The following B3GNT4 variants were observed in gnomAD, a reference collection of about 807,000 sequenced individuals.
B3GNT4 encodes UDP-GlcNAc:betaGal beta-1,3-N-acetylglucosaminyltransferase 4.
B3GNT4 carries 2 observed loss-of-function variants against 2.7 expected under a neutral mutation model. That is an observed-to-expected ratio of 0.73 (90% CI 0.30 to 2.31). B3GNT4 has a LOEUF of 2.31. Ranked by LOEUF, B3GNT4 falls within the 30% of genes most tolerant of loss-of-function variation. B3GNT4 has a pLI of 0.12. For synonymous variants in B3GNT4, 280 were observed against 203.4 expected (o/e 1.38, Z -3.20); for missense variants, 708 against 490.9 (o/e 1.44, Z -4.18).
Position 122,207,062 on chromosome 12 carries a change from C to G in B3GNT4, c.811C>G (p.His271Asp). The G allele has an allele frequency of 6.2e-7, 1 of 1,613,918 alleles. No homozygotes were observed. The highest frequency in any genetic ancestry group is 8.5e-7 in the Non-Finnish European group (1 of 1,179,902). ...FIPPSMYRAT[H>D]YPPYAGGGGY... ...CCCACCCTCAATGTACAGGGCCACC[C>G]ACTACCCACCCTATGCTGGTGGGGG... is the stretch of plus-strand genomic sequence containing the variant. The change falls in exon 3 of 3, where the codon CAC becomes GAC. Residue 271 changes from histidine (H) to aspartate (D), a missense_variant. Transcript: ENST00000324189.
At position 122,207,149 on chromosome 12, in the gene B3GNT4, C is replaced by T; in HGVS notation, c.898C>T (p.Leu300Phe). Reference sequence around the variant, plus strand: ...CCAGGCTATCATGGAAGATGCTGAACTCTTCCCCATTGATGATGTCTTTGT... The same window carrying T: ...CCAGGCTATCATGGAAGATGCTGAATTCTTCCCCATTGATGATGTCTTTGT... ...RLQAIMEDAE[L>F]FPIDDVFVGM... is the part of the protein sequence containing the mutation. Residue 300 changes from leucine to phenylalanine, a missense_variant, in exon 3 of 3, where the codon CTC becomes TTC. Coordinates refer to ENST00000324189, the MANE Select transcript of B3GNT4 (RefSeq NM_030765.4). The T allele has an allele frequency of 1.9e-6, 3 of 1,614,064 alleles. No individual in the cohort carries two copies. The highest frequency in any genetic ancestry group is 1.7e-6 in the Non-Finnish European group (2 of 1,179,970).
At chr12:122,203,961 C>T (rs1031582444) in intron 1 of B3GNT4, among the ~76,000 whole-genome samples, 160 bp downstream of exon 1, 1 of 151,572 alleles carries the variant, frequency 6.6e-6, no homozygotes, top group East Asian at 2.0e-4. Flanking sequence ...CGGCGCGAGT[C>T]TGGCCTCGGC....
At position 122,208,037 on chromosome 12, in the gene B3GNT4, T is replaced by TAA; in HGVS notation, c.*651_*652dup. The TAA allele has an allele frequency of 1.9e-6, 1 of 532,312 alleles. No individual in the cohort carries two copies. The highest frequency in any genetic ancestry group is 1.5e-5 in the South Asian group (1 of 65,176). 33.0% of individuals were successfully genotyped at this position (532,312 alleles called of 1,614,324 possible). A position where few individuals can be genotyped will look rare whatever the true frequency, so the allele number is the denominator to read the frequency against. On this transcript the variant is annotated 3_prime_UTR_variant, in exon 3 of 3. Coordinates refer to ENST00000324189, the MANE Select transcript of B3GNT4 (RefSeq NM_030765.4). Reference sequence around the variant, plus strand: ...GACGTAAATAAGACTGAAAACAGGTTAAACAGTTGCTGAACTTAAGGGCAT... The same window carrying TAA: ...GACGTAAATAAGACTGAAAACAGGTTAAAAACAGTTGCTGAACTTAAGGGCAT...
chr12:122,207,104 A>G lies in B3GNT4; in HGVS notation c.853A>G (p.Arg285Gly), dbSNP rs1953935465. 2.5e-6 allele frequency: 4 copies of G among 1,614,166 alleles called. No homozygotes were observed. Among genetic ancestry groups the G allele is most frequent in the Non-Finnish European group, 3.4e-6 (4 of 1,180,014 alleles). ...YAGGGGYVMS[R>G]ATVRRLQAIM... ...TGGTGGGGGAGGATATGTCATGTCC[A>G]GAGCCACAGTGCGGCGCCTCCAGGC... Residue 285 changes from arginine to glycine, a missense_variant, in exon 3 of 3, where the codon AGA becomes GGA. Arg to Gly is a moderately radical substitution (Grantham distance 125). Coordinates refer to ENST00000324189, the MANE Select transcript of B3GNT4 (RefSeq NM_030765.4).
rs768747434 is a variant in B3GNT4, at chr12:122,204,605, T to C, written c.-14T>C. 35 of 1,605,428 alleles carry C rather than the reference T, an allele frequency of 2.2e-5. No homozygotes were observed. The highest frequency in any genetic ancestry group is 2.7e-5 in the Non-Finnish European group (32 of 1,173,094). Reference sequence around the variant, plus strand: ...CGGCATCCTGAGCACGGAGACAGTCTCCAGCTGCCGTTCATGCTTCCTCCC... The same window carrying C: ...CGGCATCCTGAGCACGGAGACAGTCCCCAGCTGCCGTTCATGCTTCCTCCC... On this transcript the variant is annotated 5_prime_UTR_variant, in exon 2 of 3. Coordinates refer to ENST00000324189, the MANE Select transcript of B3GNT4 (RefSeq NM_030765.4).
Position 122,207,898 on chromosome 12 carries a change from T to C in B3GNT4, c.*510T>C. ...GTCCTCACAGGACAGTGGGGGCAGA[T>C]CAGAGAACACATCAGAAATACATAC... On this transcript the variant is annotated 3_prime_UTR_variant, in exon 3 of 3. Transcript: ENST00000324189. The C allele has an allele frequency of 4.3e-6, 2 of 460,404 alleles. No homozygotes were observed. The highest frequency in any genetic ancestry group is 3.1e-5 in the South Asian group (2 of 64,526). The allele number at this position is 460,404 out of a possible 1,614,324, so 28.5% of individuals were successfully genotyped here. A position where few individuals can be genotyped will look rare whatever the true frequency, so the allele number is the denominator to read the frequency against.
At position 122,204,466 on chromosome 12, in the gene B3GNT4, C is replaced by T. The variant is rs894709574; in HGVS notation, c.-97-56C>T. ...TCCTGGGACGGAACCAAGCCACCTG[C>T]TGTGCGCCCTTCTCGGTGAATGGCA... On this transcript the variant is annotated intron_variant, in intron 1 of 2. Coordinates refer to ENST00000324189, the MANE Select transcript of B3GNT4 (RefSeq NM_030765.4). 28 of 709,724 alleles carry T rather than the reference C, an allele frequency of 3.9e-5. 1 individual carries two copies. The highest frequency in any genetic ancestry group is 3.5e-4 in the Admixed American group (17 of 49,234). 44.0% of individuals were successfully genotyped at this position (709,724 alleles called of 1,614,324 possible). A position where few individuals can be genotyped will look rare whatever the true frequency, so the allele number is the denominator to read the frequency against.
At chr12:122,204,745 A>C in intron 2 of B3GNT4, 61 bp downstream of exon 2, 9 of 1,413,310 alleles carry the variant, frequency 6.4e-6, no homozygotes, top group Non-Finnish European at 7.9e-6. Flanking sequence ...ATAGATCTCC[A>C]GGGGGCTCAG....
chr12:122,207,062 C>A lies in B3GNT4; in HGVS notation c.811C>A (p.His271Asn). 6.2e-7 allele frequency: 1 copy of A among 1,613,918 alleles called. No homozygotes were observed. Among genetic ancestry groups the A allele is most frequent in the South Asian group, 1.1e-5 (1 of 91,042 alleles). ...CCCACCCTCAATGTACAGGGCCACC[C>A]ACTACCCACCCTATGCTGGTGGGGG... is the stretch of plus-strand genomic sequence containing the variant. ...FIPPSMYRAT[H>N]YPPYAGGGGY... The change falls in exon 3 of 3, where the codon CAC (histidine) becomes AAC (asparagine). Residue 271 changes from histidine (H) to asparagine (N), a missense_variant. By Grantham distance (68) the His-to-Asn change is moderately conservative (BLOSUM62 1). Transcript: ENST00000324189.
chr12:122,204,912 C>T lies in B3GNT4; in HGVS notation c.66+228C>T, dbSNP rs1953895429. 1.5e-5 allele frequency: 8 copies of T among 545,274 alleles called. No homozygotes were observed. In the East Asian group the frequency reaches 2.7e-4, roughly 19 times the overall value. 33.8% of individuals were successfully genotyped at this position (545,274 alleles called of 1,614,324 possible). On this transcript the variant is annotated intron_variant, in intron 2 of 2. Transcript: ENST00000324189. ...TAGCCGGGCCCTGCACGCCTGTAGT[C>T]CCAGCTACTGGGGAGGCCGAGGCCG...
Position 122,204,700 on chromosome 12 carries a change from C to T in B3GNT4, c.66+16C>T. ...TTTACCAAAGGTCAGATTCTTTCACCGCCTCTGCCAGACCCCCTTGTCCCC... is the reference window on the plus strand; with the variant it reads ...TTTACCAAAGGTCAGATTCTTTCACTGCCTCTGCCAGACCCCCTTGTCCCC... On this transcript the variant is annotated intron_variant, in intron 2 of 2. Transcript: ENST00000324189. 6 of 1,595,014 alleles carry T rather than the reference C, an allele frequency of 3.8e-6. No individual in the cohort carries two copies. The highest frequency in any genetic ancestry group is 5.2e-6 in the Non-Finnish European group (6 of 1,163,872).
rs1161545178 is a variant in B3GNT4 at position 122,206,643 on chromosome 12, T to C, written c.392T>C (p.Val131Ala). 1.2e-6 allele frequency: 2 copies of C among 1,613,764 alleles called. No homozygotes were observed. Among genetic ancestry groups the C allele is most frequent in the Non-Finnish European group, 1.7e-6 (2 of 1,179,966 alleles). Residue 131 changes from valine (V) to alanine (A), a missense_variant, in exon 3 of 3, where the codon GTG becomes GCG. Val to Ala is a moderately conservative substitution (Grantham distance 64). Transcript: ENST00000324189. ...GCCATCAAGTCACAGCCTGGTCACG[T>C]GGAGCGACGTGCGGCTATCCGCAGC... is the stretch of plus-strand genomic sequence containing the variant. ...LLAIKSQPGH[V>A]ERRAAIRSTW... is the part of the protein sequence containing the mutation.
At position 122,208,490 on chromosome 12, in the gene B3GNT4, G is replaced by C. The variant is rs1343006878; in HGVS notation, c.*1102G>C. The C allele has an allele frequency of 6.2e-7, 1 of 1,614,030 alleles. No homozygotes were observed. On this transcript the variant is annotated 3_prime_UTR_variant, in exon 3 of 3. Transcript: ENST00000324189. Reference sequence around the variant, plus strand: ...CTGTGCTTCTGCCAGCTTGGTTTCTGCTTTCCGGGAGAGCTGGTGCACCTC... The same window carrying C: ...CTGTGCTTCTGCCAGCTTGGTTTCTCCTTTCCGGGAGAGCTGGTGCACCTC...
Position 122,208,895 on chromosome 12 carries a change from A to C in B3GNT4, c.*1507A>C, listed in dbSNP as rs756424049. 5 of 416,392 alleles carry C rather than the reference A, an allele frequency of 1.2e-5. No homozygotes were observed. The highest frequency in any genetic ancestry group is 3.9e-5 in the South Asian group (2 of 51,348). The allele number at this position is 416,392 out of a possible 1,614,324, so 25.8% of individuals were successfully genotyped here. A position where few individuals can be genotyped will look rare whatever the true frequency, so the allele number is the denominator to read the frequency against. ...CTTTGATTAATTTTTTTAACTACAC[A>C]TCTTCCATTTCTTTTTGACAAAGAG... On this transcript the variant is annotated 3_prime_UTR_variant, in exon 3 of 3. Transcript: ENST00000324189.
At position 122,207,216 on chromosome 12, in the gene B3GNT4, A is replaced by G. The variant is rs763421499; in HGVS notation, c.965A>G (p.His322Arg). The G allele has an allele frequency of 9.3e-6, 15 of 1,613,944 alleles. No individual in the cohort carries two copies. Among genetic ancestry groups the G allele is most frequent in the African/African-American group, 1.3e-5 (1 of 74,880 alleles). Residue 322 changes from histidine to arginine, a missense_variant, in exon 3 of 3, where the codon CAT becomes CGT. His to Arg is a conservative substitution (Grantham distance 29). Coordinates refer to ENST00000324189, the MANE Select transcript of B3GNT4 (RefSeq NM_030765.4). ...LRRLGLSPMHHAGFKTFGIRR... is the reference protein window; with the variant it reads ...LRRLGLSPMHRAGFKTFGIRR... ...CGGCTGGGGCTGAGCCCTATGCACC[A>G]TGCTGGCTTCAAGACATTTGGAATC...
Position 122,206,319 on chromosome 12 carries a change from G to C in B3GNT4, c.68G>C (p.Gly23Ala), listed in dbSNP as rs1182259474. Reference protein sequence around the residue: ...RGGRSGLLPKGPAMLCRLCWL... With the variant: ...RGGRSGLLPKAPAMLCRLCWL... ...GCTCAGGTGGCTCTCTCCTTGCAGG[G>C]ACCGGCGATGCTCTGCAGGCTGTGC... is the stretch of plus-strand genomic sequence containing the variant. The change falls in exon 3 of 3, where the codon GGA becomes GCA. Residue 23 changes from glycine to alanine, a missense_variant and splice_region_variant. Gly to Ala is a moderately conservative substitution (Grantham distance 60, BLOSUM62 0). Coordinates refer to ENST00000324189, the MANE Select transcript of B3GNT4 (RefSeq NM_030765.4). 7 of 1,556,048 alleles carry C rather than the reference G, an allele frequency of 4.5e-6. No individual in the cohort carries two copies. The highest frequency in any genetic ancestry group is 6.1e-6 in the Non-Finnish European group (7 of 1,150,934).
chr12:122,204,661 G>A lies in B3GNT4; in HGVS notation c.43G>A (p.Gly15Ser), dbSNP rs1317553891. Residue 15 changes from glycine (G) to serine (S), a missense_variant, in exon 2 of 3, where the codon GGT (glycine) becomes AGT (serine). Coordinates refer to ENST00000324189, the MANE Select transcript of B3GNT4 (RefSeq NM_030765.4). ...QPSAAHQGRG[G>S]RSGLLPKGPA... ...TTCCGCAGCCCACCAGGGAAGGGGC[G>A]GTAGGAGTGGCCTTTTACCAAAGGT... 5 of 1,611,590 alleles carry A rather than the reference G, an allele frequency of 3.1e-6. No individual in the cohort carries two copies. The African/African-American group carries it at 4.0e-5, about 13-fold the overall frequency.
chr12:122,206,493 C>CA lies in B3GNT4; in HGVS notation c.243dup (p.Val82SerfsTer3), dbSNP rs1953918219. 6.2e-7 allele frequency: 1 copy of CA among 1,614,104 alleles called. No individual in the cohort carries two copies. ...CACAGCCGGTGTCCACCCAACCACA[C>CA]AGTGTCTAGCGCCTCTCTGTCCCTG... On this transcript the variant is annotated frameshift_variant, in exon 3 of 3. Coordinates refer to ENST00000324189, the MANE Select transcript of B3GNT4 (RefSeq NM_030765.4). LOFTEE classifies it low-confidence loss of function (END_TRUNC).
Position 122,207,366 on chromosome 12 carries a change from C to T in B3GNT4, c.1115C>T (p.Ala372Val), listed in dbSNP as rs780143981. The T allele has an allele frequency of 1.9e-6, 3 of 1,580,292 alleles. No homozygotes were observed. Among genetic ancestry groups the T allele is most frequent in the Middle Eastern group, 3.4e-4 (2 of 5,880 alleles). The change falls in exon 3 of 3, where the codon GCT becomes GTT. Residue 372 changes from alanine to valine, a missense_variant. Transcript: ENST00000324189. ...ACAGATGAGGGGCTCAAGTGTGCAG[C>T]TGGCCCCATACCCCAGCGCTGAAGG... ...LVTDEGLKCAAGPIPQR is the reference protein window; with the variant it reads ...LVTDEGLKCAVGPIPQR
Sources: gnomAD v4.1 joint callset for allele counts (sites outside exome capture counted in the v4.1 genomes callset) on GRCh38, gnomAD v4.1.1 for gene constraint, MANE v1.5 for transcripts, NCBI Gene and HGNC (gene_info 2026-07-23, HGNC 2026-07-21) for gene names.